The following PCDHGC5 variants were observed in gnomAD, a reference collection of about 807,000 sequenced individuals.
PCDHGC5 encodes protocadherin gamma subfamily C, 5, also known as protocadherin gamma-C5.
Under a neutral mutation model 59.0 loss-of-function variants are expected in PCDHGC5, and 25 were observed. The ratio of observed to expected loss-of-function variants is 0.42; its 90% CI spans 0.31 to 0.59. The LOEUF (loss-of-function observed/expected upper bound fraction) is 0.59. PCDHGC5 is among the 20% of genes least tolerant of loss of function. The pLI is 0.13. For missense variants in PCDHGC5, 1,067 were observed against 1,206.4 expected (o/e 0.88, Z 1.71); for synonymous variants, 434 against 505.5 (o/e 0.86, Z 1.90).
chr5:141,505,246 G>GAAGT, intron 2 of PCDHGC5, 147 bp from the exon 3 acceptor site: 3 of 1,436,674 alleles, frequency 2.1e-6, no homozygotes, highest in Non-Finnish European at 2.8e-6. Context: ...AAGGATTGTA[G>GAAGT]AAGTGCCTCC....
rs2233612 is a variant in PCDHGC5 at position 141,511,014 on chromosome 5, A to G, written c.2676A>G (p.Gly892=). 8.6e-4 allele frequency: 1,386 copies of G among 1,614,082 alleles called. 14 individuals are homozygous for G. The African/African-American group carries it at 0.017, about 20-fold the overall frequency. The change falls in exon 4 of 4, where the codon GGA becomes GGG. Residue 892 remains glycine, a synonymous_variant. Coordinates refer to ENST00000252087, the MANE Select transcript of PCDHGC5 (RefSeq NM_018929.3). ...AGTMGLSARY[G]PQFTLQHVPD... ...CCATGGGATTGAGCGCCCGCTACGG[A>G]CCCCAGTTCACCCTGCAGCACGTGC...
In PCDHGC5 at chr5:141,511,269, C is replaced by A; in HGVS notation, c.*96C>A. The A allele has an allele frequency of 1.3e-6, 2 of 1,546,672 alleles. No homozygotes were observed. Among genetic ancestry groups the A allele is most frequent in the Non-Finnish European group, 1.7e-6 (2 of 1,145,264 alleles). The stretch of plus-strand genomic sequence containing the variant: ...AGGCCTCAGAGTTTCAGGGCTAACC[C>A]CCAGAATACTGGTAGGGGCCAAGGC... On this transcript the variant is annotated 3_prime_UTR_variant, in exon 4 of 4. Transcript: ENST00000252087.
At chr5:141,500,500 C>T (rs6872480) in intron 2 of PCDHGC5, among the ~76,000 whole-genome samples, 1,599 of 152,210 alleles carry the variant, frequency 0.011, 36 homozygotes, top group African/African-American at 0.036. Context: ...TGAGCCACCG[C>T]GCCTGGCCGA....
rs2099748179 is a variant in PCDHGC5 at position 141,493,421 on chromosome 5, T to G, written c.2461-1386T>G. Among the ~76,000 whole-genome samples the G allele has an allele frequency of 6.6e-6, 1 of 152,182 alleles. No individual in the cohort carries two copies. Among genetic ancestry groups the G allele is most frequent in the South Asian group, 2.1e-4 (1 of 4,830 alleles). On this transcript the variant is annotated intron_variant, in intron 1 of 3. Coordinates refer to ENST00000252087, the MANE Select transcript of PCDHGC5 (RefSeq NM_018929.3). The surrounding 1 kb of genome is among the most constrained non-coding windows in gnomAD (Gnocchi z 4.3). Reference sequence around the variant, plus strand: ...GGAGTTGCCTCTGCTGGGATTTTGCTTCTGCTGGGATGGGGCAAGGGTGGG... The same window carrying G: ...GGAGTTGCCTCTGCTGGGATTTTGCGTCTGCTGGGATGGGGCAAGGGTGGG...
Position 141,491,000 on chromosome 5 carries a change from C to T in PCDHGC5, c.1760C>T (p.Ser587Phe). 6.2e-7 allele frequency: 1 copy of T among 1,614,142 alleles called. No homozygotes were observed. The highest frequency in any genetic ancestry group is 1.1e-5 in the South Asian group (1 of 91,086). Residue 587 changes from serine to phenylalanine, a missense_variant, in exon 1 of 4, where the codon TCC becomes TTC. Transcript: ENST00000252087. The surrounding 1 kb of genome is among the most constrained non-coding windows in gnomAD (Gnocchi z 5.4). ...QRLPRSAPPG[S>F]LVTKVTAVDA... ...CTCCCTCGCTCTGCTCCTCCTGGCTCCTTGGTCACCAAGGTGACAGCCGTG... is the reference window on the plus strand; with the variant it reads ...CTCCCTCGCTCTGCTCCTCCTGGCTTCTTGGTCACCAAGGTGACAGCCGTG...
intron 3 of PCDHGC5, among the ~76,000 whole-genome samples, chr5:141,508,848 TC>T (rs1390332366): frequency 6.6e-5 from 10 of 151,752 alleles, no homozygotes. Context: ...CCCCTTCCAT[TC>T]CCAGGCTGGG....
At chr5:141,504,990 C>T (rs1056476591) in intron 2 of PCDHGC5, among the ~76,000 whole-genome samples, 3 of 151,976 alleles carry the variant, frequency 2.0e-5, no homozygotes, top group Non-Finnish European at 2.9e-5. Context: ...GGTGAAACCC[C>T]GTCTGTACTA....
intron 3 of PCDHGC5, among the ~76,000 whole-genome samples, chr5:141,509,265 C>G (rs1296179995): frequency 1.3e-5 from 2 of 152,138 alleles, no homozygotes; most frequent in African/African-American, 4.8e-5. Flanking sequence ...TTTAGTCACT[C>G]TCGCTACCCG....
At chr5:141,506,092 G>A (rs1595997534) in intron 3 of PCDHGC5, among the ~76,000 whole-genome samples, 1 of 152,142 alleles carries the variant, frequency 6.6e-6, no homozygotes, top group Admixed American at 6.6e-5. Flanking sequence ...TTCGGCTAGT[G>A]GTGGTTGTCC....
rs1386912520 is a variant in PCDHGC5 at position 141,505,425 on chromosome 5, C to T, written c.2552C>T (p.Pro851Leu). 1.2e-6 allele frequency: 2 copies of T among 1,614,060 alleles called. No individual in the cohort carries two copies. The highest frequency in any genetic ancestry group is 1.7e-6 in the Non-Finnish European group (2 of 1,180,022). The change falls in exon 3 of 4, where the codon CCC becomes CTC. Residue 851 changes from proline to leucine, a missense_variant. Physicochemically the swap from Pro to Leu is moderately conservative, Grantham distance 98 (BLOSUM62 -3). Transcript: ENST00000252087. ...AATGGCGATGACACCGGCACCTGGC[C>T]CAACAACCAGTTTGACACAGAGATG... ...SQNGDDTGTW[P>L]NNQFDTEMLQ... is the part of the protein sequence containing the mutation.
In PCDHGC5 at chr5:141,500,527, A is replaced by C. The variant is rs937551961; in HGVS notation, c.2520-4866A>C. On this transcript the variant is annotated intron_variant, in intron 2 of 3. Transcript: ENST00000252087. ...CCTGGCCGAGCTTCATTTTAAAAAA[A>C]TCTCATTCACCTAAATAAGTTGTTC... is the stretch of plus-strand genomic sequence containing the variant. 5.9e-5 allele frequency among the ~76,000 whole-genome samples: 9 copies of C among 152,298 alleles called. No individual in the cohort carries two copies. The South Asian group carries it at 6.2e-4, about 11-fold the overall frequency.
At position 141,511,319 on chromosome 5, in the gene PCDHGC5, C is replaced by T. The variant is rs2099883711; in HGVS notation, c.*146C>T. On this transcript the variant is annotated 3_prime_UTR_variant, in exon 4 of 4. Coordinates refer to ENST00000252087, the MANE Select transcript of PCDHGC5 (RefSeq NM_018929.3). ...CCATGCTCCCCTTGGGAAACAGAAA[C>T]AAGTGCCCAGTCAGCACCTACCCCT... 1.4e-6 allele frequency: 2 copies of T among 1,477,302 alleles called. No homozygotes were observed. The highest frequency in any genetic ancestry group is 1.4e-5 in the African/African-American group (1 of 70,920). 91.5% of individuals were successfully genotyped at this position (1,477,302 alleles called of 1,614,324 possible).
At position 141,489,760 on chromosome 5, in the gene PCDHGC5, C is replaced by A; in HGVS notation, c.520C>A (p.Pro174Thr). 1 of 1,614,086 alleles carries A rather than the reference C, an allele frequency of 6.2e-7. No individual in the cohort carries two copies. Among genetic ancestry groups the A allele is most frequent in the Non-Finnish European group, 8.5e-7 (1 of 1,179,970 alleles). Residue 174 changes from proline (P) to threonine (T), a missense_variant, in exon 1 of 4, where the codon CCC becomes ACC. Physicochemically the swap from Pro to Thr is conservative, Grantham distance 38. Coordinates refer to ENST00000252087, the MANE Select transcript of PCDHGC5 (RefSeq NM_018929.3). This position sits in a 1 kb window ranked among gnomAD's most constrained non-coding sequence, Gnocchi z 4.5. ...TACTGTGAGCTTTTACACTCTAAGC[C>A]CCAACAGCCACTTCTCTCTGAATGT... Reference protein sequence around the residue: ...TNTVSFYTLSPNSHFSLNVKT... With the variant: ...TNTVSFYTLSTNSHFSLNVKT...
Position 141,511,253 on chromosome 5 carries a change from A to G in PCDHGC5, c.*80A>G. The G allele has an allele frequency of 1.3e-6, 2 of 1,568,402 alleles. No homozygotes were observed. The highest frequency in any genetic ancestry group is 1.7e-6 in the Non-Finnish European group (2 of 1,157,066). On this transcript the variant is annotated 3_prime_UTR_variant, in exon 4 of 4. Coordinates refer to ENST00000252087, the MANE Select transcript of PCDHGC5 (RefSeq NM_018929.3). ...CTCCTTACCTGCACCCAGGCCTCAG[A>G]GTTTCAGGGCTAACCCCCAGAATAC...
At chr5:141,501,881 C>T (rs1396427606) in intron 2 of PCDHGC5, among the ~76,000 whole-genome samples, 1 of 152,124 alleles carries the variant, frequency 6.6e-6, no homozygotes, top group East Asian at 1.9e-4. Context: ...CCTTACACTC[C>T]TGATCATCAT....
chr5:141,505,348 G>C, intron 2 of PCDHGC5, 45 bp from the exon 3 acceptor site: 1 of 1,613,358 alleles, frequency 6.2e-7, no homozygotes, highest in Non-Finnish European at 8.5e-7. Flanking sequence ...GGCATGAGCT[G>C]TGCCGGCCTG....
intron 2 of PCDHGC5, among the ~76,000 whole-genome samples, chr5:141,498,114 G>C (rs1336064850): frequency 6.6e-6 from 1 of 152,196 alleles, no homozygotes; most frequent in East Asian, 1.9e-4. Flanking sequence ...CGTATAATAG[G>C]GATTTGATTT....
At position 141,493,157 on chromosome 5, in the gene PCDHGC5, T is replaced by C. The variant is rs1261889479; in HGVS notation, c.2460+1457T>C. ...TTGAAACACCCCCAGGTGATTTTGATAGCTGATTGAGAGAAACTTACTATA... is the reference window on the plus strand; with the variant it reads ...TTGAAACACCCCCAGGTGATTTTGACAGCTGATTGAGAGAAACTTACTATA... On this transcript the variant is annotated intron_variant, in intron 1 of 3. Coordinates refer to ENST00000252087, the MANE Select transcript of PCDHGC5 (RefSeq NM_018929.3). This position sits in a 1 kb window ranked among gnomAD's most constrained non-coding sequence, Gnocchi z 4.3. 2.0e-5 allele frequency among the ~76,000 whole-genome samples: 3 copies of C among 152,224 alleles called. No individual in the cohort carries two copies. Among genetic ancestry groups the C allele is most frequent in the Admixed American group, 6.5e-5 (1 of 15,286 alleles).
Position 141,489,341 on chromosome 5 carries a change from CAGT to C in PCDHGC5, c.102_104del (p.Val36del). The stretch of plus-strand genomic sequence containing the variant: ...TGGGTGTCTGGGCAGCTTCGTTACT[CAGT>C]GGTGGAGGAGTCTGAGCCGGGGACG... On this transcript the variant is annotated inframe_deletion, in exon 1 of 4. Coordinates refer to ENST00000252087, the MANE Select transcript of PCDHGC5 (RefSeq NM_018929.3). This position sits in a 1 kb window ranked among gnomAD's most constrained non-coding sequence, Gnocchi z 4.5. The C allele has an allele frequency of 6.2e-7, 1 of 1,609,088 alleles. No homozygotes were observed. Among genetic ancestry groups the C allele is most frequent in the Non-Finnish European group, 8.5e-7 (1 of 1,176,770 alleles).
Sources: allele counts gnomAD v4.1 joint callset (sites outside exome capture counted in the v4.1 genomes callset), GRCh38; gene constraint gnomAD v4.1.1; non-coding constraint Gnocchi (gnomAD v3.1); transcripts MANE v1.5; gene names NCBI Gene and HGNC (gene_info 2026-07-23, HGNC 2026-07-21).